The following GPATCH2 variants were observed in gnomAD, a reference collection of about 807,000 sequenced individuals.
The protein encoded by GPATCH2 is G-patch domain containing 2.
Under a neutral mutation model 58.0 loss-of-function variants are expected in GPATCH2, and 51 were observed. The ratio of observed to expected loss-of-function variants is 0.88; its 90% CI spans 0.70 to 1.11. The LOEUF is 1.11. Among genes scored for constraint, GPATCH2 ranks in the 50% most tolerant of loss-of-function variants. The probability of loss-of-function intolerance (pLI) is 0.00; values close to 1 mark genes in which losing one functional copy is unlikely to be tolerated. For missense variants in GPATCH2, 625 were observed against 652.2 expected, an observed-to-expected ratio of 0.96 and a Z score of 0.45; for synonymous variants, 222 against 218.5, an observed-to-expected ratio of 1.02 and a Z score of -0.14.
At chr1:217,502,239 T>C (rs1662343692) in intron 6 of GPATCH2, among the ~76,000 whole-genome samples, 1 of 152,050 alleles carries the variant, frequency 6.6e-6, no homozygotes. Flanking sequence ...AAAATAATCT[T>C]TGCTATATCT....
intron 7 of GPATCH2, among the ~76,000 whole-genome samples, chr1:217,497,170 C>T (rs185235359): frequency 2.0e-5 from 3 of 152,070 alleles, no homozygotes; most frequent in Admixed American, 2.0e-4. Context: ...TAAAATATAT[C>T]CTGATGCAAC....
intron 4 of GPATCH2, 112 bp downstream of exon 4, chr1:217,610,777 A>G: frequency 1.4e-6 from 1 of 698,790 alleles, no homozygotes; most frequent in South Asian, 2.0e-5. Context: ...GTTTCTTTAC[A>G]GCATCTTGTG....
intron 6 of GPATCH2, among the ~76,000 whole-genome samples, chr1:217,502,704 G>C (rs1662365178): frequency 6.6e-6 from 1 of 152,022 alleles, no homozygotes; most frequent in Non-Finnish European, 1.5e-5. Context: ...GATCAGAAGA[G>C]CTTTTTCAAC....
chr1:217,487,780 T>C (rs946748459), intron 8 of GPATCH2, among the ~76,000 whole-genome samples: 1 of 152,060 alleles, frequency 6.6e-6, no homozygotes, highest in Non-Finnish European at 1.5e-5. Context: ...TCTCACTCTG[T>C]CGCCCAGGCT....
chr1:217,506,200 T>C (rs1390114087), intron 6 of GPATCH2, among the ~76,000 whole-genome samples: 1 of 152,246 alleles, frequency 6.6e-6, no homozygotes, highest in African/African-American at 2.4e-5. Context: ...ATTTCCATTA[T>C]TGTAAAGAGT....
chr1:217,443,700 A>G (rs1659252849), intron 9 of GPATCH2, among the ~76,000 whole-genome samples: 1 of 151,944 alleles, frequency 6.6e-6, no homozygotes, highest in African/African-American at 2.4e-5. Context: ...TATATTTTCA[A>G]TCATTTTATC....
chr1:217,574,686 T>C (rs1185140518), intron 5 of GPATCH2, among the ~76,000 whole-genome samples: 1 of 152,160 alleles, frequency 6.6e-6, no homozygotes, highest in Non-Finnish European at 1.5e-5. Context: ...TCCCATAAAC[T>C]TTTCCAGGTA....
intron 8 of GPATCH2, among the ~76,000 whole-genome samples, chr1:217,468,021 G>A (rs1167302827): frequency 2.0e-5 from 3 of 152,154 alleles, no homozygotes; most frequent in Admixed American, 6.6e-5. Context: ...AAATCAGTGA[G>A]TTCACCTTTG....
chr1:217,574,585 A>G (rs982690912), intron 5 of GPATCH2, among the ~76,000 whole-genome samples: 2 of 152,174 alleles, frequency 1.3e-5, no homozygotes, highest in African/African-American at 4.8e-5. Context: ...AAAATAAGAG[A>G]AGGAAAAGAA....
intron 5 of GPATCH2, among the ~76,000 whole-genome samples, chr1:217,535,760 T>G (rs1206972508): frequency 6.6e-6 from 1 of 152,214 alleles, no homozygotes; most frequent in Non-Finnish European, 1.5e-5. Context: ...AATAGACAAC[T>G]GACTCCGGTT....
At position 217,448,544 on chromosome 1, in the gene GPATCH2, A is replaced by G. The variant is rs571175601; in HGVS notation, c.1366+705T>C. ...TGCTCTTGCATGAGACTTTCAATAC[A>G]TACTATTTTATTCACAACCTTCACT... is the stretch of plus-strand genomic sequence containing the variant. On this transcript the variant is annotated intron_variant, in intron 9 of 9. Coordinates refer to ENST00000366935, the MANE Select transcript of GPATCH2 (RefSeq NM_018040.5). Among the ~76,000 whole-genome samples the G allele has an allele frequency of 9.9e-5, 15 of 152,280 alleles. No individual in the cohort carries two copies. In the South Asian group the frequency reaches 1.7e-3, roughly 17 times the overall value.
At position 217,486,056 on chromosome 1, in the gene GPATCH2, T is replaced by G. The variant is rs569234996; in HGVS notation, c.1277+5624A>C. Among the ~76,000 whole-genome samples, 287 of 152,358 alleles carry G rather than the reference T, an allele frequency of 1.9e-3. 1 individual carries two copies. The highest frequency in any genetic ancestry group is 6.5e-3 in the African/African-American group (270 of 41,584). ...ATGAAATTTAGAATTAGCTTATCCA[T>G]TTCTATAAAATTGCCTGCTGGGATT... is the stretch of plus-strand genomic sequence containing the variant. On this transcript the variant is annotated intron_variant, in intron 8 of 9. Transcript: ENST00000366935.
chr1:217,535,794 CTTGGAA>C (rs371266418), intron 5 of GPATCH2, among the ~76,000 whole-genome samples: 3,073 of 152,298 alleles, frequency 0.02, 50 homozygotes, highest in African/African-American at 0.042. Context: ...CCCCAGTGTA[CTTGGAA>C]TTGGAACTAA....
rs572959059 is a variant in GPATCH2, at chr1:217,500,786, T to C, written c.1167-2391A>G. The stretch of plus-strand genomic sequence containing the variant: ...CTCTCTGGAATGCCTAATAATTAAA[T>C]GTCAGATCTCCTGAGCTGATCTGTT... On this transcript the variant is annotated intron_variant, in intron 6 of 9. Coordinates refer to ENST00000366935, the MANE Select transcript of GPATCH2 (RefSeq NM_018040.5). Among the ~76,000 whole-genome samples, 21 of 152,204 alleles carry C rather than the reference T, an allele frequency of 1.4e-4. No homozygotes were observed. The South Asian group carries it at 4.4e-3, about 32-fold the overall frequency.
intron 5 of GPATCH2, among the ~76,000 whole-genome samples, chr1:217,527,448 A>G (rs1296893377): frequency 6.7e-6 from 1 of 149,646 alleles, no homozygotes; most frequent in Non-Finnish European, 1.5e-5. Flanking sequence ...TTTGTACTTC[A>G]TGGTGCCTGG....
At chr1:217,610,236 A>G in intron 5 of GPATCH2, 85 bp downstream of exon 5, 1 of 1,522,164 alleles carries the variant, frequency 6.6e-7, no homozygotes, top group Middle Eastern at 1.7e-4. Flanking sequence ...TTAGAATATG[A>G]ATAAAGGATG....
At chr1:217,604,920 G>C (rs1211398103) in intron 5 of GPATCH2, among the ~76,000 whole-genome samples, 1 of 152,154 alleles carries the variant, frequency 6.6e-6, no homozygotes, top group African/African-American at 2.4e-5. Flanking sequence ...AGCTACTGGG[G>C]AGGCTGAGGC....
At chr1:217,630,193 C>T (rs1044948315) in intron 1 of GPATCH2, among the ~76,000 whole-genome samples, 2 of 152,156 alleles carry the variant, frequency 1.3e-5, no homozygotes, top group African/African-American at 4.8e-5. Flanking sequence ...TTAAAATGTA[C>T]AGGGCAACTT....
At chr1:217,507,242 G>A (rs1662607879) in intron 6 of GPATCH2, among the ~76,000 whole-genome samples, 1 of 152,184 alleles carries the variant, frequency 6.6e-6, no homozygotes, top group Non-Finnish European at 1.5e-5. Context: ...TGGGCTGTGT[G>A]ATCTTTTAAG....
Sources: allele counts gnomAD v4.1 joint callset (sites outside exome capture counted in the v4.1 genomes callset), GRCh38; gene constraint gnomAD v4.1.1; transcripts MANE v1.5; gene names NCBI Gene and HGNC (gene_info 2026-07-23, HGNC 2026-07-21).